The following KCNQ3 variants were observed in gnomAD, a reference collection of about 807,000 sequenced individuals.
The protein encoded by KCNQ3 is potassium voltage-gated channel subfamily KQT member 3.
In KCNQ3, 30 loss-of-function variants were observed where a neutral mutation model predicts 92.5. The observed-to-expected ratio is 0.32, with a 90% confidence interval of 0.24 to 0.44. KCNQ3 has a LOEUF of 0.44. Ranked by LOEUF, KCNQ3 falls within the 20% of genes least tolerant of loss-of-function variation. KCNQ3 has a pLI of 1.00. For synonymous variants in KCNQ3, 450 were observed against 468.8 expected, an observed-to-expected ratio of 0.96 and a Z score of 0.52; for missense variants, 913 against 1,140.3, an observed-to-expected ratio of 0.80 and a Z score of 2.87.
intron 1 of KCNQ3, among the ~76,000 whole-genome samples, chr8:132,271,133 G>C (rs1816134742): frequency 6.6e-6 from 1 of 152,216 alleles, no homozygotes; most frequent in South Asian, 2.1e-4. Context: ...TGCTGTCATG[G>C]AGCTCATGTT....
At chr8:132,268,389 C>T (rs7002013) in intron 1 of KCNQ3, among the ~76,000 whole-genome samples, 66,760 of 151,870 alleles carry the variant, frequency 0.44, 16,649 homozygotes, top group East Asian at 0.69. Flanking sequence ...CTCAGCTTCC[C>T]GAGTAACTGG....
chr8:132,334,232 G>A (rs1388620187), intron 1 of KCNQ3, among the ~76,000 whole-genome samples: 8 of 151,846 alleles, frequency 5.3e-5, no homozygotes, highest in Non-Finnish European at 1.2e-4. Context: ...CTGTAATCTC[G>A]GAGGCGGAGG....
intron 1 of KCNQ3, among the ~76,000 whole-genome samples, chr8:132,227,888 A>G (rs565273409): frequency 8.5e-5 from 13 of 152,324 alleles, no homozygotes; most frequent in Non-Finnish European, 2.9e-5. Context: ...ATGTCTTCAC[A>G]GAACCTGAGT....
At chr8:132,161,243 C>A (rs911485761) in intron 9 of KCNQ3, among the ~76,000 whole-genome samples, 9 of 152,154 alleles carry the variant, frequency 5.9e-5, no homozygotes. Context: ...GAATATAATT[C>A]TTTCATCAGC....
chr8:132,390,640 C>A (rs932866146), intron 1 of KCNQ3, among the ~76,000 whole-genome samples: 1 of 151,920 alleles, frequency 6.6e-6, no homozygotes, highest in African/African-American at 2.4e-5. Flanking sequence ...AGCTCAGGTT[C>A]TCCAGTCTCC....
At chr8:132,315,621 A>G (rs1817718899) in intron 1 of KCNQ3, among the ~76,000 whole-genome samples, 1 of 152,136 alleles carries the variant, frequency 6.6e-6, no homozygotes, top group Admixed American at 6.5e-5. Context: ...GGTCTCTTCT[A>G]TAAGTAGTTT....
chr8:132,317,356 T>C lies in KCNQ3; in HGVS notation c.387-131175A>G, dbSNP rs552985537. On this transcript the variant is annotated intron_variant, in intron 1 of 14. Coordinates refer to ENST00000388996, the MANE Select transcript of KCNQ3 (RefSeq NM_004519.4). ...AAAACCATCAATTTTCATGCAGAAT[T>C]TTTCAAGGAATCCATTCCAAGATTT... Among the ~76,000 whole-genome samples the C allele has an allele frequency of 2.4e-4, 37 of 152,338 alleles. No individual in the cohort carries two copies. The Middle Eastern group carries it at 0.01, about 42-fold the overall frequency.
chr8:132,140,655 G>A (rs187155444), intron 10 of KCNQ3: 24 of 250,780 alleles, frequency 9.6e-5, no homozygotes, highest in African/African-American at 5.2e-4. Flanking sequence ...GGCCTGGGTG[G>A]GCTCAGACAC....
At chr8:132,272,548 C>T (rs1816182556) in intron 1 of KCNQ3, among the ~76,000 whole-genome samples, 1 of 152,128 alleles carries the variant, frequency 6.6e-6, no homozygotes, top group African/African-American at 2.4e-5. Context: ...AATGGACTTA[C>T]AGTTCCACAT....
intron 1 of KCNQ3, among the ~76,000 whole-genome samples, chr8:132,418,769 G>A (rs1486494610): frequency 6.6e-6 from 1 of 152,154 alleles, no homozygotes; most frequent in Non-Finnish European, 1.5e-5. Flanking sequence ...TTGGGCAACA[G>A]AATGAGACTA....
At chr8:132,295,478 T>A (rs1816990005) in intron 1 of KCNQ3, among the ~76,000 whole-genome samples, 1 of 152,202 alleles carries the variant, frequency 6.6e-6, no homozygotes, top group Non-Finnish European at 1.5e-5. Flanking sequence ...CATGTGGCAA[T>A]TCCTCAAAGA....
At chr8:132,150,249 G>A (rs1335168644) in intron 9 of KCNQ3, among the ~76,000 whole-genome samples, 2 of 152,142 alleles carry the variant, frequency 1.3e-5, no homozygotes, top group Non-Finnish European at 2.9e-5. Context: ...CTTTGCTGCA[G>A]GCCTCCATCT....
intron 1 of KCNQ3, among the ~76,000 whole-genome samples, chr8:132,245,293 T>C (rs931715337): frequency 5.9e-5 from 9 of 152,304 alleles, no homozygotes; most frequent in African/African-American, 2.2e-4. Context: ...CTTTTGCACA[T>C]CATCCCCTGC....
rs35210912 is a variant in KCNQ3, at chr8:132,209,544, A to AAC, written c.387-23365_387-23364dup. 2.9e-3 allele frequency among the ~76,000 whole-genome samples: 392 copies of AAC among 135,414 alleles called. 2 individuals are homozygous for AAC. The highest frequency in any genetic ancestry group is 0.011 in the South Asian group (41 of 3,818). The allele number at this position is 135,414 out of a possible 152,430, so 88.8% of individuals were successfully genotyped here. On this transcript the variant is annotated intron_variant, in intron 1 of 14. Coordinates refer to ENST00000388996, the MANE Select transcript of KCNQ3 (RefSeq NM_004519.4). ...GTAATTCACACCACACACACACACA[A>AAC]ACACACACACACACACACACACGTA...
Position 132,374,195 on chromosome 8 carries a change from G to A in KCNQ3, c.386+105952C>T, listed in dbSNP as rs1819550795. Reference sequence around the variant, plus strand: ...TGACCCGACTTGCTCCATGTTGTCAGGGAAGCCACTTGACCTCTCTGACCC... The same window carrying A: ...TGACCCGACTTGCTCCATGTTGTCAAGGAAGCCACTTGACCTCTCTGACCC... On this transcript the variant is annotated intron_variant, in intron 1 of 14. Coordinates refer to ENST00000388996, the MANE Select transcript of KCNQ3 (RefSeq NM_004519.4). Among the ~76,000 whole-genome samples, 3 of 152,270 alleles carry A rather than the reference G, an allele frequency of 2.0e-5. No individual in the cohort carries two copies. The South Asian group carries it at 6.2e-4, about 32-fold the overall frequency.
chr8:132,477,596 A>G (rs949691448), intron 1 of KCNQ3, among the ~76,000 whole-genome samples: 6 of 152,234 alleles, frequency 3.9e-5, no homozygotes, highest in African/African-American at 1.4e-4. Flanking sequence ...TAGGAGCTCA[A>G]TGGGAATTCA....
intron 1 of KCNQ3, among the ~76,000 whole-genome samples, chr8:132,378,219 C>A (rs1269920085): frequency 6.6e-6 from 1 of 151,922 alleles, no homozygotes; most frequent in African/African-American, 2.4e-5. Flanking sequence ...CATGGTGAAA[C>A]CTCGTCCCTA....
intron 4 of KCNQ3, among the ~76,000 whole-genome samples, chr8:132,178,998 G>A (rs1826660954): frequency 7.3e-6 from 1 of 137,838 alleles, no homozygotes; most frequent in Non-Finnish European, 1.6e-5. Flanking sequence ...TACCAGGGTG[G>A]GTGCAAAAAG....
intron 1 of KCNQ3, among the ~76,000 whole-genome samples, chr8:132,236,329 C>T (rs1198862611): frequency 2.0e-5 from 3 of 152,152 alleles, no homozygotes; most frequent in Admixed American, 6.5e-5. Context: ...AACATGACCT[C>T]CATCAGGTTA....
Sources: gnomAD v4.1 joint callset for allele counts (sites outside exome capture counted in the v4.1 genomes callset) on GRCh38, gnomAD v4.1.1 for gene constraint, MANE v1.5 for transcripts, NCBI Gene and HGNC (gene_info 2026-07-23, HGNC 2026-07-21) for gene names.